The following GRIN2B variants were observed in gnomAD, a reference collection of about 807,000 sequenced individuals.
The protein encoded by GRIN2B is glutamate ionotropic receptor NMDA type subunit 2B, also known as glutamate receptor ionotropic, NMDA 2B.
A neutral mutation model predicts 114.5 loss-of-function variants in GRIN2B; 5 were observed. The ratio of observed to expected loss-of-function variants is 0.04; its 90% confidence interval spans 0.02 to 0.09. The LOEUF (loss-of-function observed/expected upper bound fraction) is 0.09, where lower values mean the gene tolerates loss of function less well. GRIN2B is among the 10% of genes least tolerant of loss of function. The pLI, the probability that GRIN2B is intolerant of heterozygous loss-of-function variation, is 1.00. For missense variants in GRIN2B, 1,108 were observed against 1,943.5 expected (o/e 0.57, Z 8.08); for synonymous variants, 787 against 745.1 (o/e 1.06, Z -0.92).
At chr12:13,962,532 AT>A (rs1274872970) in intron 2 of GRIN2B, among the ~76,000 whole-genome samples, 1 of 152,218 alleles carries the variant, frequency 6.6e-6, no homozygotes, top group African/African-American at 2.4e-5. Flanking sequence ...ATTGATTTAT[AT>A]TTGCCACTTG....
At chr12:13,965,549 A>G (rs1413049252) in intron 2 of GRIN2B, among the ~76,000 whole-genome samples, 1 of 102,202 alleles carries the variant, frequency 9.8e-6, no homozygotes, top group Non-Finnish European at 2.1e-5. Context: ...TAGAATCCAG[A>G]TTACACACCA....
chr12:13,891,554 C>T (rs1486252230), intron 2 of GRIN2B, among the ~76,000 whole-genome samples: 1 of 152,094 alleles, frequency 6.6e-6, no homozygotes, highest in Non-Finnish European at 1.5e-5. Flanking sequence ...TGTCAGCAGT[C>T]TGCTTAATAA....
intron 10 of GRIN2B, among the ~76,000 whole-genome samples, chr12:13,583,593 G>C (rs982017410): frequency 6.6e-6 from 1 of 152,176 alleles, no homozygotes; most frequent in Non-Finnish European, 1.5e-5. Flanking sequence ...AGGAAAGGAA[G>C]GGCTACGGAA....
At chr12:13,605,551 TGACACACACA>T (rs1949233732) in intron 10 of GRIN2B, among the ~76,000 whole-genome samples, 31 of 30,504 alleles carry the variant, frequency 1.0e-3, no homozygotes, top group Non-Finnish European at 1.7e-3. Flanking sequence ...TCTCTCTCTC[TGACACACACA>T]CACACACACA....
At chr12:13,657,929 G>A (rs997749134) in intron 5 of GRIN2B, among the ~76,000 whole-genome samples, 3 of 151,986 alleles carry the variant, frequency 2.0e-5, no homozygotes, top group African/African-American at 7.3e-5. Context: ...TTATAGGCTG[G>A]GCACAGTGGC....
intron 4 of GRIN2B, among the ~76,000 whole-genome samples, chr12:13,740,494 T>C (rs1863262428): frequency 7.1e-6 from 1 of 141,286 alleles, no homozygotes; most frequent in African/African-American, 2.8e-5. Context: ...AGCATTTTCT[T>C]TTTTTTTTTT....
In GRIN2B at chr12:13,563,088, G is replaced by T. The variant is rs759935381; in HGVS notation, c.4150C>A (p.Gln1384Lys). The T allele has an allele frequency of 6.2e-7, 1 of 1,614,204 alleles. No homozygotes were observed. The highest frequency in any genetic ancestry group is 1.7e-5 in the Admixed American group (1 of 60,034). ...CCAAAAGTGGGGATGAAAGGGTTTT[G>T]CGTGACCCGGTCAGGGTAGAGCGAC... ...SKSLYPDRVT[Q>K]NPFIPTFGDD... Residue 1384 changes from glutamine (Q) to lysine (K), a missense_variant, in exon 14 of 14, where the codon CAA becomes AAA. Transcript: ENST00000609686.
chr12:13,733,380 C>T (rs1863121053), intron 4 of GRIN2B, among the ~76,000 whole-genome samples: 1 of 151,580 alleles, frequency 6.6e-6, no homozygotes, highest in African/African-American at 2.4e-5. Flanking sequence ...ACCAAGTAGG[C>T]CTGAGAAGAG....
intron 12 of GRIN2B, 126 bp downstream of exon 12, chr12:13,569,704 A>ACAATATACTGTGAAAT (rs1948683207): frequency 1.5e-6 from 1 of 671,410 alleles, no homozygotes; most frequent in African/African-American, 1.8e-5. Flanking sequence ...CGAAAACTAC[A>ACAATATACTGTGAAAT]CAATATACTG....
chr12:13,877,049 A>G (rs1427631349), intron 2 of GRIN2B, among the ~76,000 whole-genome samples: 1 of 152,208 alleles, frequency 6.6e-6, no homozygotes, highest in East Asian at 1.9e-4. Context: ...ATATATAGGG[A>G]TCATTTCTAG....
chr12:13,567,852 G>C (rs191174456), intron 12 of GRIN2B, among the ~76,000 whole-genome samples: 1 of 152,190 alleles, frequency 6.6e-6, no homozygotes, highest in South Asian at 2.1e-4. Flanking sequence ...AGTGATGTAA[G>C]AGTGCTGAAG....
intron 5 of GRIN2B, among the ~76,000 whole-genome samples, chr12:13,648,751 C>T (rs1041535029): frequency 6.6e-6 from 1 of 151,804 alleles, no homozygotes; most frequent in Admixed American, 6.6e-5. Flanking sequence ...ATAAGTATAA[C>T]AAATCTCTGC....
At chr12:13,926,912 C>T (rs2136819324) in intron 2 of GRIN2B, among the ~76,000 whole-genome samples, 1 of 150,210 alleles carries the variant, frequency 6.7e-6, no homozygotes, top group African/African-American at 2.5e-5. Context: ...AAGATCACAC[C>T]ACTGCACTCC....
intron 2 of GRIN2B, among the ~76,000 whole-genome samples, chr12:13,877,187 T>C (rs1304677546): frequency 6.6e-6 from 1 of 152,164 alleles, no homozygotes; most frequent in Non-Finnish European, 1.5e-5. Flanking sequence ...CTCTGAGCTA[T>C]AGGATGGTTC....
intron 3 of GRIN2B, among the ~76,000 whole-genome samples, chr12:13,787,464 A>T (rs1461659331): frequency 6.6e-6 from 1 of 152,330 alleles, no homozygotes; most frequent in East Asian, 1.9e-4. Flanking sequence ...CTTAACCCCC[A>T]GCGCCTCTCC....
intron 2 of GRIN2B, among the ~76,000 whole-genome samples, chr12:13,979,149 A>T (rs1863084891): frequency 6.6e-6 from 1 of 152,232 alleles, no homozygotes; most frequent in Non-Finnish European, 1.5e-5. Context: ...GGGTATAAAT[A>T]GATATGTAGA....
At chr12:13,598,797 T>C (rs1949110142) in intron 10 of GRIN2B, among the ~76,000 whole-genome samples, 1 of 152,120 alleles carries the variant, frequency 6.6e-6, no homozygotes, top group South Asian at 2.1e-4. Flanking sequence ...CTCCAGATAA[T>C]TTTGATATCA....
chr12:13,616,780 T>C (rs1949448956), intron 5 of GRIN2B, 123 bp from the exon 6 acceptor site: 1 of 770,806 alleles, frequency 1.3e-6, no homozygotes, highest in Non-Finnish European at 2.3e-6. Flanking sequence ...GCCAACATTG[T>C]ACATACTAGA....
intron 3 of GRIN2B, among the ~76,000 whole-genome samples, chr12:13,828,481 C>T (rs1327049847): frequency 2.0e-5 from 3 of 152,088 alleles, no homozygotes; most frequent in Non-Finnish European, 2.9e-5. Context: ...CGCATATTAC[C>T]GGAGCTCCTT....
Sources: gnomAD v4.1 joint callset for allele counts (sites outside exome capture counted in the v4.1 genomes callset) on GRCh38, gnomAD v4.1.1 for gene constraint, MANE v1.5 for transcripts, NCBI Gene and HGNC (gene_info 2026-07-23, HGNC 2026-07-21) for gene names.